Variants in SH2D3A observed in about 807,000 individuals in gnomAD.
SH2D3A encodes SH2 domain-containing protein 3A.
In SH2D3A, 46 loss-of-function variants were observed where a neutral mutation model predicts 50.6. The observed-to-expected ratio is 0.91, with a 90% CI of 0.72 to 1.16. SH2D3A has a LOEUF of 1.16. Among genes scored for constraint, SH2D3A ranks in the 50% most tolerant of loss-of-function variants. The pLI is 0.00. For synonymous variants in SH2D3A, 377 were observed against 348.4 expected, an observed-to-expected ratio of 1.08 and a Z score of -0.91; for missense variants, 783 against 786.2, an observed-to-expected ratio of 1.00 and a Z score of 0.05.
chr19:6,753,212 C>T (rs1441028308), intron 9 of SH2D3A: 36 of 985,038 alleles, frequency 3.7e-5, no homozygotes, highest in Non-Finnish European at 4.3e-5. Flanking sequence ...TGGGGACCCG[C>T]GGAGGTGGCT....
chr19:6,752,609 A>T lies in SH2D3A; in HGVS notation c.1715T>A (p.Leu572Gln). 6.4e-7 allele frequency: 1 copy of T among 1,559,700 alleles called. No homozygotes were observed. The change falls in exon 10 of 10, where the codon CTG (leucine) becomes CAG (glutamine). Residue 572 changes from leucine (L) to glutamine (Q), a missense_variant. Physicochemically the swap from Leu to Gln is moderately radical, Grantham distance 113. Transcript: ENST00000245908. ...TCTGCGCTCTCAGCGGTCAGGCTCC[A>T]GGCGCTGCGACAGGACGCCGAGGAC... The part of the protein sequence containing the change: ...QRVLGVLSQR[L>Q]EPDR
Position 6,752,605 on chromosome 19 carries a change from C to A in SH2D3A, c.1719G>T (p.Glu573Asp). 1 of 1,557,618 alleles carries A rather than the reference C, an allele frequency of 6.4e-7. No individual in the cohort carries two copies. Among genetic ancestry groups the A allele is most frequent in the Non-Finnish European group, 8.7e-7 (1 of 1,149,802 alleles). Residue 573 changes from glutamate to aspartate, a missense_variant, in exon 10 of 10, where the codon GAG becomes GAT. Transcript: ENST00000245908. ...GGTGTCTGCGCTCTCAGCGGTCAGGCTCCAGGCGCTGCGACAGGACGCCGA... is the reference window on the plus strand; with the variant it reads ...GGTGTCTGCGCTCTCAGCGGTCAGGATCCAGGCGCTGCGACAGGACGCCGA... ...RVLGVLSQRLEPDR is the reference protein window; with the variant it reads ...RVLGVLSQRLDPDR
At chr19:6,752,921 C>T in intron 9 of SH2D3A, 168 bp from the exon 10 acceptor site, 1 of 985,272 alleles carries the variant, frequency 1.0e-6, no homozygotes, top group Non-Finnish European at 1.2e-6. Context: ...AGGGGGCTTC[C>T]AGCTCTCTGC....
chr19:6,766,365 A>G (rs907508184), intron 1 of SH2D3A, among the ~76,000 whole-genome samples: 6 of 139,284 alleles, frequency 4.3e-5, no homozygotes, highest in Middle Eastern at 3.7e-3. Context: ...CCAAAGGCCA[A>G]CTAAGCCATC....
chr19:6,760,814 C>A lies in SH2D3A; in HGVS notation c.243G>T (p.Glu81Asp). Residue 81 changes from glutamate to aspartate, a missense_variant, in exon 3 of 10, where the codon GAG becomes GAT. Physicochemically the swap from Glu to Asp is conservative, Grantham distance 45. Coordinates refer to ENST00000245908, the MANE Select transcript of SH2D3A (RefSeq NM_005490.3). ...PGRPTALFQLEDEQFPSIPAL... is the reference protein window; with the variant it reads ...PGRPTALFQLDDEQFPSIPAL... Reference sequence around the variant, plus strand: ...CCGGTATGCTGGGGAATTGCTCATCCTCCAGTTGAAAGAGGGCTGTGGGTC... The same window carrying A: ...CCGGTATGCTGGGGAATTGCTCATCATCCAGTTGAAAGAGGGCTGTGGGTC... 1 of 1,614,252 alleles carries A rather than the reference C, an allele frequency of 6.2e-7. No homozygotes were observed. The highest frequency in any genetic ancestry group is 8.5e-7 in the Non-Finnish European group (1 of 1,180,052).
rs527624678 is a variant in SH2D3A, at chr19:6,752,684, C to G, written c.1640G>C (p.Ser547Thr). The change falls in exon 10 of 10, where the codon AGC (serine) becomes ACC (threonine). Residue 547 changes from serine (S) to threonine (T), a missense_variant. Ser to Thr is a moderately conservative substitution (Grantham distance 58). Coordinates refer to ENST00000245908, the MANE Select transcript of SH2D3A (RefSeq NM_005490.3). ...TGFVRRLLWG[S>T]RGAGAPRAER... Reference sequence around the variant, plus strand: ...AGCGCGCGGAGCTCCCGCGCCCCGGCTACCCCAGAGCAGCCTCCGCACGAA... The same window carrying G: ...AGCGCGCGGAGCTCCCGCGCCCCGGGTACCCCAGAGCAGCCTCCGCACGAA... The G allele has an allele frequency of 6.2e-5, 97 of 1,552,818 alleles. No individual in the cohort carries two copies. The highest frequency in any genetic ancestry group is 8.2e-5 in the Non-Finnish European group (94 of 1,148,130).
chr19:6,753,896 G>A (rs1283426175), intron 8 of SH2D3A, among the ~76,000 whole-genome samples, 156 bp downstream of exon 8: 1 of 152,102 alleles, frequency 6.6e-6, no homozygotes, highest in East Asian at 1.9e-4. Context: ...CGGGGCCTAG[G>A]GAAAGGGCCA....
At chr19:6,764,416 GAAA>G (rs954579061) in intron 1 of SH2D3A, 1 of 148,166 alleles carries the variant, frequency 6.7e-6, no homozygotes, top group Non-Finnish European at 1.5e-5. Flanking sequence ...TGCAATCGAA[GAAA>G]AAAAAAATGG....
chr19:6,761,672 G>T (rs919277464), intron 2 of SH2D3A, among the ~76,000 whole-genome samples: 15 of 152,288 alleles, frequency 9.8e-5, no homozygotes, highest in African/African-American at 3.6e-4. Flanking sequence ...GAAGGGTGGG[G>T]CACAGTGGCT....
At chr19:6,763,570 G>T in intron 2 of SH2D3A, 110 bp downstream of exon 2, 1 of 926,346 alleles carries the variant, frequency 1.1e-6, no homozygotes, top group African/African-American at 1.7e-5. Context: ...TCTGCCACCT[G>T]TCCCAATAGA....
intron 4 of SH2D3A, 127 bp from the exon 5 acceptor site, chr19:6,755,442 C>T (rs952083678): frequency 1.0e-5 from 6 of 586,566 alleles, no homozygotes; most frequent in African/African-American, 3.8e-5. Flanking sequence ...GGTATAACAA[C>T]CTATCCGGGT....
intron 2 of SH2D3A, among the ~76,000 whole-genome samples, chr19:6,762,180 CT>C: frequency 6.6e-6 from 1 of 151,842 alleles, no homozygotes; most frequent in South Asian, 2.1e-4. Flanking sequence ...ATTATTATAC[CT>C]TTTTTTGTTG....
chr19:6,754,470 G>A (rs1397064230), intron 6 of SH2D3A, 45 bp from the exon 7 acceptor site: 1 of 1,532,972 alleles, frequency 6.5e-7, no homozygotes, highest in Admixed American at 1.9e-5. Context: ...GGGGAGGTTT[G>A]TAATGCAGGG....
rs1345196247 is a variant in SH2D3A at position 6,754,441 on chromosome 19, G to A, written c.1098-16C>T. On this transcript the variant is annotated splice_polypyrimidine_tract_variant and intron_variant, in intron 6 of 9. Coordinates refer to ENST00000245908, the MANE Select transcript of SH2D3A (RefSeq NM_005490.3). ...TGTCTGATGCCTGCAGAGGTGGAGG[G>A]CAAGGGTCTGGGGGAAGTGGGGAGG... The A allele has an allele frequency of 1.3e-6, 2 of 1,529,230 alleles. No homozygotes were observed. Among genetic ancestry groups the A allele is most frequent in the South Asian group, 1.3e-5 (1 of 79,332 alleles). 94.7% of individuals were successfully genotyped at this position (1,529,230 alleles called of 1,614,324 possible). A position where few individuals can be genotyped will look rare whatever the true frequency, so the allele number is the denominator to read the frequency against.
At position 6,753,588 on chromosome 19, in the gene SH2D3A, G is replaced by T; in HGVS notation, c.1438C>A (p.Leu480Ile). The part of the protein sequence containing the change: ...ALPHVAPMVR[L>I]LEGEEVAGPL... The stretch of plus-strand genomic sequence containing the variant: ...CCCGCGACTTCCTCGCCCTCCAGTA[G>T]GCGAACCATGGGTGCCACGTGCGGC... Residue 480 changes from leucine to isoleucine, a missense_variant, in exon 9 of 10, where the codon CTA becomes ATA. By Grantham distance (5) the Leu-to-Ile change is conservative. Transcript: ENST00000245908. The T allele has an allele frequency of 1.3e-6, 2 of 1,589,430 alleles. No homozygotes were observed. Among genetic ancestry groups the T allele is most frequent in the East Asian group, 2.3e-5 (1 of 43,864 alleles).
In SH2D3A at chr19:6,755,151, G is replaced by C; in HGVS notation, c.661C>G (p.Leu221Val). The change falls in exon 5 of 10, where the codon CTG becomes GTG. Residue 221 changes from leucine (L) to valine (V), a missense_variant. Transcript: ENST00000245908. ...GGGGGACGTTCAGAGGCATCAGGCA[G>C]TTCGAAGGAGGGTGTCCGGGGGGGC... ...TKPPRTPSFE[L>V]PDASERPPTY... The C allele has an allele frequency of 2.5e-6, 4 of 1,610,090 alleles. No homozygotes were observed. Among genetic ancestry groups the C allele is most frequent in the Non-Finnish European group, 2.5e-6 (3 of 1,177,064 alleles).
chr19:6,757,162 T>A (rs1969733514), intron 4 of SH2D3A, among the ~76,000 whole-genome samples: 1 of 151,982 alleles, frequency 6.6e-6, no homozygotes, highest in Admixed American at 6.6e-5. Flanking sequence ...TTCTGGACTA[T>A]TAGTACTTAA....
chr19:6,760,504 G>A, intron 3 of SH2D3A, 134 bp downstream of exon 3: 1 of 708,364 alleles, frequency 1.4e-6, no homozygotes, highest in Non-Finnish European at 2.3e-6. Context: ...GTTGCAGTGA[G>A]CTGAAATCAT....
intron 4 of SH2D3A, chr19:6,759,258 T>TG (rs1969873079): frequency 4.0e-6 from 1 of 248,536 alleles, no homozygotes; most frequent in African/African-American, 2.3e-5. Flanking sequence ...GGATTACAGG[T>TG]GCGTGCCACC....
Sources: allele counts gnomAD v4.1 joint callset (sites outside exome capture counted in the v4.1 genomes callset), GRCh38; gene constraint gnomAD v4.1.1; transcripts MANE v1.5; gene names NCBI Gene and HGNC (gene_info 2026-07-23, HGNC 2026-07-21).